ATXN8OS: variants seen among roughly 807,000 people sequenced by gnomAD.
ATXN8OS encodes ATXN8 opposite strand lncRNA.
At chr13:70,125,665 T>C (rs1334410800) in intron 2 of ATXN8OS, among the ~76,000 whole-genome samples, 3 of 152,150 alleles carry the variant, frequency 2.0e-5, no homozygotes, top group Non-Finnish European at 4.4e-5. Flanking sequence ...TTTTAGGTAG[T>C]GGTGAGTTTT....
chr13:70,133,748 G>C (rs1262638182), intron 3 of ATXN8OS, among the ~76,000 whole-genome samples: 1 of 152,130 alleles, frequency 6.6e-6, no homozygotes, highest in Non-Finnish European at 1.5e-5. Context: ...GCCGTTGGGA[G>C]AGTCAGGGAG....
intron 4 of ATXN8OS, among the ~76,000 whole-genome samples, chr13:70,148,251 A>G (rs1445958300): frequency 6.6e-6 from 1 of 152,192 alleles, no homozygotes; most frequent in African/African-American, 2.4e-5. Flanking sequence ...ATTTCCCCAC[A>G]AAAGATGGCT....
intron 4 of ATXN8OS, among the ~76,000 whole-genome samples, chr13:70,162,877 TTC>T (rs1305937565): frequency 1.3e-5 from 2 of 152,084 alleles, no homozygotes; most frequent in Non-Finnish European, 2.9e-5. Context: ...TAATTTTCTT[TTC>T]TGTTTAGTTT....
At chr13:70,159,745 T>G (rs1426537309) in intron 4 of ATXN8OS, among the ~76,000 whole-genome samples, 1 of 152,208 alleles carries the variant, frequency 6.6e-6, no homozygotes. Flanking sequence ...TGTTCTTCTT[T>G]CCTGTAGTTT....
intron 1 of ATXN8OS, among the ~76,000 whole-genome samples, chr13:70,109,738 T>C (rs1888170681): frequency 1.3e-5 from 2 of 152,142 alleles, no homozygotes; most frequent in South Asian, 2.1e-4. Context: ...AAGCCAACAA[T>C]GGTGACAGAT....
chr13:70,119,854 T>A (rs1888332483), intron 2 of ATXN8OS, among the ~76,000 whole-genome samples: 1 of 152,116 alleles, frequency 6.6e-6, no homozygotes, highest in South Asian at 2.1e-4. Flanking sequence ...ATGAATGAAT[T>A]TCATGTTGAA....
At chr13:70,109,158 G>A (rs949220330) in intron 1 of ATXN8OS, among the ~76,000 whole-genome samples, 4 of 152,224 alleles carry the variant, frequency 2.6e-5, no homozygotes, top group African/African-American at 4.8e-5. Context: ...GAGAATAGCC[G>A]AAGGCTACTT....
rs56827181 is a variant in ATXN8OS, at chr13:70,164,055, C to CTTATTATTA, written n.574-5666_574-5658dup. Reference sequence around the variant, plus strand: ...GAATTGTAAGCTGGAAGTTTTTATTCTTATTATTATTATTATTATTATTAT... The same window carrying CTTATTATTA: ...GAATTGTAAGCTGGAAGTTTTTATTCTTATTATTATTATTATTATTATTATTATTATTAT... On this transcript the variant is annotated intron_variant and non_coding_transcript_variant, in intron 4 of 4. Transcript: ENST00000678624. Among the ~76,000 whole-genome samples the CTTATTATTA allele has an allele frequency of 7.6e-4, 22 of 29,094 alleles. 1 individual carries two copies. The highest frequency in any genetic ancestry group is 1.0e-3 in the Non-Finnish European group (11 of 10,944). 19.1% of individuals were successfully genotyped at this position (29,094 alleles called of 152,430 possible).
chr13:70,131,267 C>T (rs1000541669), intron 3 of ATXN8OS: 1 of 398,358 alleles, frequency 2.5e-6, no homozygotes, highest in East Asian at 3.6e-5. Context: ...ATTTCCAACA[C>T]TCCTAGTCTA....
At chr13:70,147,977 T>G (rs1888810172) in intron 4 of ATXN8OS, among the ~76,000 whole-genome samples, 1 of 152,172 alleles carries the variant, frequency 6.6e-6, no homozygotes, top group South Asian at 2.1e-4. Context: ...CATAGATGGA[T>G]TCAGATTTCT....
intron 3 of ATXN8OS, among the ~76,000 whole-genome samples, chr13:70,145,836 C>G (rs1339500999): frequency 6.6e-6 from 1 of 151,670 alleles, no homozygotes; most frequent in Non-Finnish European, 1.5e-5. Flanking sequence ...CAATACCATT[C>G]AGGACATAGG....
chr13:70,159,001 A>G (rs147476089), intron 4 of ATXN8OS, among the ~76,000 whole-genome samples: 1 of 152,176 alleles, frequency 6.6e-6, no homozygotes, highest in African/African-American at 2.4e-5. Flanking sequence ...TTATGAATTT[A>G]CATGTATTTT....
At chr13:70,154,329 C>G (rs79473539) in intron 4 of ATXN8OS, among the ~76,000 whole-genome samples, 12,580 of 152,158 alleles carry the variant, frequency 0.083, 636 homozygotes, top group Non-Finnish European at 0.099. Flanking sequence ...AACATTTCTA[C>G]CCAATTCCAA....
intron 3 of ATXN8OS, among the ~76,000 whole-genome samples, chr13:70,134,516 T>A: frequency 6.6e-6 from 1 of 152,166 alleles, no homozygotes; most frequent in Non-Finnish European, 1.5e-5. Flanking sequence ...CTGGTTACCA[T>A]GCCAGGGAAG....
intron 2 of ATXN8OS, among the ~76,000 whole-genome samples, chr13:70,128,956 G>A (rs1593762653): frequency 6.6e-6 from 1 of 151,956 alleles, no homozygotes; most frequent in East Asian, 1.9e-4. Flanking sequence ...CACCTCCCAG[G>A]TTCAAGCGAT....
At chr13:70,160,213 G>A (rs1412997161) in intron 4 of ATXN8OS, among the ~76,000 whole-genome samples, 1 of 151,882 alleles carries the variant, frequency 6.6e-6, no homozygotes, top group African/African-American at 2.4e-5. Flanking sequence ...TTCATATATT[G>A]TATTTGTATA....
chr13:70,123,158 T>C (rs1351187622), intron 2 of ATXN8OS, among the ~76,000 whole-genome samples: 1 of 152,082 alleles, frequency 6.6e-6, no homozygotes, highest in Non-Finnish European at 1.5e-5. Flanking sequence ...GCAAAACTCT[T>C]AGATTTTGCC....
chr13:70,110,507 CAAG>C (rs1888183839), intron 1 of ATXN8OS, among the ~76,000 whole-genome samples: 1 of 126,206 alleles, frequency 7.9e-6, no homozygotes, highest in Non-Finnish European at 1.7e-5. Context: ...GAAAATAAAA[CAAG>C]AAAAAAAAAT....
intron 4 of ATXN8OS, among the ~76,000 whole-genome samples, chr13:70,157,888 G>A (rs984810182): frequency 1.2e-4 from 18 of 152,146 alleles, no homozygotes; most frequent in African/African-American, 3.6e-4. Flanking sequence ...ATAAAATGGA[G>A]TATGGGTGCA....
Sources: gnomAD v4.1 joint callset for allele counts (sites outside exome capture counted in the v4.1 genomes callset) on GRCh38, gnomAD v4.1.1 for gene constraint, MANE v1.5 for transcripts, NCBI Gene and HGNC (gene_info 2026-07-23, HGNC 2026-07-21) for gene names.